COL4A4: variants seen among roughly 807,000 people sequenced by gnomAD.
COL4A4 encodes the protein collagen alpha-4(IV) chain.
In COL4A4, 105 loss-of-function variants were observed where a neutral mutation model predicts 192.9. The ratio of observed to expected loss-of-function variants is 0.54; its 90% CI spans 0.46 to 0.64. The LOEUF (loss-of-function observed/expected upper bound fraction) is 0.64. COL4A4 is among the 30% of genes least tolerant of loss of function. The probability of loss-of-function intolerance (pLI) is 0.00; values close to 1 mark genes in which losing one functional copy is unlikely to be tolerated. For synonymous variants in COL4A4, 762 were observed against 769.9 expected, an observed-to-expected ratio of 0.99 and a Z score of 0.17; for missense variants, 1,967 against 2,169.3, an observed-to-expected ratio of 0.91 and a Z score of 1.85.
chr2:227,162,246 TC>T (rs2064896117), intron 1 of COL4A4, among the ~76,000 whole-genome samples: 1 of 152,224 alleles, frequency 6.6e-6, no homozygotes, highest in African/African-American at 2.4e-5. Flanking sequence ...GACTATTACT[TC>T]CTGTTCCAAA....
Position 227,140,158 on chromosome 2 carries a change from T to A in COL4A4, c.192+3A>T. 1 of 1,613,046 alleles carries A rather than the reference T, an allele frequency of 6.2e-7. No individual in the cohort carries two copies. The highest frequency in any genetic ancestry group is 8.5e-7 in the Non-Finnish European group (1 of 1,179,008). On this transcript the variant is annotated splice_donor_region_variant and intron_variant, in intron 4 of 47. Transcript: ENST00000396625. ...TGCCCATGTTGGTCTTTACATCACTTACCCGAGACCCCTTTTCAGGAACAC... is the reference window on the plus strand; with the variant it reads ...TGCCCATGTTGGTCTTTACATCACTAACCCGAGACCCCTTTTCAGGAACAC...
chr2:227,056,121 A>G lies in COL4A4; in HGVS notation c.2546-6T>C, dbSNP rs199710625. ...TCCTTTCCCACCTGGAGCACCTAAG[A>G]CAAACCACAGTGACCACAGTGTGTG... is the stretch of plus-strand genomic sequence containing the variant. On this transcript the variant is annotated splice_polypyrimidine_tract_variant and splice_region_variant and intron_variant, in intron 29 of 47. Transcript: ENST00000396625. 79 of 1,613,892 alleles carry G rather than the reference A, an allele frequency of 4.9e-5. No individual in the cohort carries two copies. In the East Asian group the frequency reaches 1.6e-3, roughly 32 times the overall value.
chr2:227,057,408 C>G, intron 29 of COL4A4, 31 bp downstream of exon 29: 1 of 1,576,942 alleles, frequency 6.3e-7, no homozygotes, highest in Non-Finnish European at 8.6e-7. Flanking sequence ...GTAGGGTAAG[C>G]CCCAGACCCT....
intron 4 of COL4A4, among the ~76,000 whole-genome samples, chr2:227,128,670 T>C (rs1003536659): frequency 3.9e-5 from 6 of 152,134 alleles, no homozygotes; most frequent in African/African-American, 1.4e-4. Flanking sequence ...ACATCTCGAT[T>C]TGAACCAAAA....
intron 19 of COL4A4, among the ~76,000 whole-genome samples, chr2:227,095,028 C>T (rs1423393653): frequency 2.6e-5 from 4 of 152,116 alleles, no homozygotes; most frequent in African/African-American, 9.7e-5. Flanking sequence ...AAGACAATAT[C>T]CCAGCCATTA....
In COL4A4 at chr2:227,080,487, C is replaced by T. The variant is rs764242946; in HGVS notation, c.1759G>A (p.Gly587Ser). The change falls in exon 24 of 48, where the codon GGT becomes AGT. Residue 587 changes from glycine (G) to serine (S), a missense_variant. Coordinates refer to ENST00000396625, the MANE Select transcript of COL4A4 (RefSeq NM_000092.5). ...TTTTCTCCAGCATGTCCATCCCGAC[C>T]ATGTGATCCTGGCTGCCCTGGAAAT... ...PGFPGQPGSH[G>S]RDGHAGEKGD... The T allele has an allele frequency of 6.2e-7, 1 of 1,614,152 alleles. No individual in the cohort carries two copies. The highest frequency in any genetic ancestry group is 2.2e-5 in the East Asian group (1 of 44,884).
At chr2:226,989,799 A>T in the COL4A4 span, among the ~76,000 whole-genome samples, 1 of 152,168 alleles carries the variant, frequency 6.6e-6, no homozygotes, top group African/African-American at 2.4e-5. Flanking sequence ...GGGAGAGAAA[A>T]GTACAACAGG....
In COL4A4 at chr2:227,078,735, C is replaced by T. The variant is rs77574251; in HGVS notation, c.1804-658G>A. 0.015 allele frequency among the ~76,000 whole-genome samples: 2,312 copies of T among 152,250 alleles called. 127 individuals are homozygous for T. In the East Asian group the frequency reaches 0.16, roughly 11 times the overall value. Reference sequence around the variant, plus strand: ...GGTGGGATTACAAATCAAATACATTCTTATGTATTCTCTTGACAAGATACA... The same window carrying T: ...GGTGGGATTACAAATCAAATACATTTTTATGTATTCTCTTGACAAGATACA... On this transcript the variant is annotated intron_variant, in intron 24 of 47. Transcript: ENST00000396625.
intron 7 of COL4A4, among the ~76,000 whole-genome samples, chr2:227,117,991 AGTTT>A (rs1276280784): frequency 6.6e-6 from 1 of 152,216 alleles, no homozygotes; most frequent in Non-Finnish European, 1.5e-5. Flanking sequence ...GGAAGGCAGA[AGTTT>A]GGAAGAGATT....
chr2:226,971,028 G>A, the COL4A4 span, among the ~76,000 whole-genome samples: 2 of 152,126 alleles, frequency 1.3e-5, no homozygotes, highest in Admixed American at 1.3e-4. Context: ...AGTTGAGATG[G>A]TACATTTCGT....
At chr2:227,142,943 A>G (rs1388737000) in intron 3 of COL4A4, among the ~76,000 whole-genome samples, 1 of 152,100 alleles carries the variant, frequency 6.6e-6, no homozygotes, top group African/African-American at 2.4e-5. Context: ...TATACAGGAT[A>G]ATTTTTTTCA....
At position 227,030,610 on chromosome 2, in the gene COL4A4, G is replaced by A. The variant is rs1357239713; in HGVS notation, c.3818-12C>T. 3 of 1,570,764 alleles carry A rather than the reference G, an allele frequency of 1.9e-6. No individual in the cohort carries two copies. Among genetic ancestry groups the A allele is most frequent in the Non-Finnish European group, 2.6e-6 (3 of 1,163,778 alleles). On this transcript the variant is annotated splice_polypyrimidine_tract_variant and intron_variant, in intron 40 of 47. Transcript: ENST00000396625. ...AGGCCCAGGTGCTCCTGACCACAGA[G>A]AAGAGACAAAAATATTCTTTTAGTC...
In COL4A4 at chr2:227,121,123, T is replaced by C; in HGVS notation, c.218A>G (p.Gln73Arg). ...GGCTCCCAGGGGTCCAATTGGACCCTGTGGCCCTGGTGGTCCTGGTGGACC... is the reference window on the plus strand; with the variant it reads ...GGCTCCCAGGGGTCCAATTGGACCCCGTGGCCCTGGTGGTCCTGGTGGACC... ...SRGPPGPPGPQGPIGPLGAPG... is the reference protein window; with the variant it reads ...SRGPPGPPGPRGPIGPLGAPG... The change falls in exon 5 of 48, where the codon CAG becomes CGG. Residue 73 changes from glutamine to arginine, a missense_variant. Physicochemically the swap from Gln to Arg is conservative, Grantham distance 43. Transcript: ENST00000396625. 6.2e-7 allele frequency: 1 copy of C among 1,614,114 alleles called. No homozygotes were observed. Among genetic ancestry groups the C allele is most frequent in the South Asian group, 1.1e-5 (1 of 91,086 alleles).
intron 27 of COL4A4, 34 bp downstream of exon 27, chr2:227,060,101 GA>G (rs71422223): frequency 0.02 from 10,260 of 502,964 alleles, 6 homozygotes; most frequent in African/African-American, 0.028. Context: ...TCCCAAAGCA[GA>G]AAAAAAAAAA....
intron 1 of COL4A4, among the ~76,000 whole-genome samples, chr2:227,150,749 T>C (rs558605465): frequency 5.3e-4 from 80 of 152,030 alleles, no homozygotes; most frequent in South Asian, 1.0e-3. Context: ...CCATCAAATC[T>C]CCTGAGAACT....
intron 1 of COL4A4, among the ~76,000 whole-genome samples, chr2:227,161,792 A>G (rs1446851872): frequency 2.0e-5 from 3 of 152,160 alleles, no homozygotes; most frequent in African/African-American, 4.8e-5. Flanking sequence ...TGCCAAGGCA[A>G]GGTTCTAGAG....
chr2:227,037,189 A>G (rs917907229), intron 37 of COL4A4, among the ~76,000 whole-genome samples: 3 of 152,096 alleles, frequency 2.0e-5, no homozygotes, highest in Non-Finnish European at 4.4e-5. Context: ...GCACCCATCA[A>G]CCCGACATCT....
At chr2:227,071,961 T>C (rs1357754490) in intron 25 of COL4A4, among the ~76,000 whole-genome samples, 4 of 151,888 alleles carry the variant, frequency 2.6e-5, no homozygotes, top group Admixed American at 6.6e-5. Context: ...AAAGCACACA[T>C]TGACAACCTA....
At chr2:227,019,496 C>T (rs1174113137) in intron 44 of COL4A4, among the ~76,000 whole-genome samples, 3 of 152,318 alleles carry the variant, frequency 2.0e-5, no homozygotes, top group East Asian at 1.9e-4. Context: ...CCAGTCTGTG[C>T]TCCCGCCATC....
Sources: gnomAD v4.1 joint callset for allele counts (sites outside exome capture counted in the v4.1 genomes callset) on GRCh38, gnomAD v4.1.1 for gene constraint, MANE v1.5 for transcripts, NCBI Gene and HGNC (gene_info 2026-07-23, HGNC 2026-07-21) for gene names.